CLIP1: variants seen among roughly 807,000 people sequenced by gnomAD.
The protein encoded by CLIP1 is CAP-Gly domain containing linker protein 1, also known as CAP-Gly domain-containing linker protein 1.
Under a neutral mutation model 161.6 loss-of-function variants are expected in CLIP1, and 66 were observed. The ratio of observed to expected loss-of-function variants is 0.41; its 90% CI spans 0.33 to 0.50. CLIP1 has a LOEUF of 0.50. CLIP1 is among the 20% of genes least tolerant of loss of function. The pLI, the probability that CLIP1 is intolerant of heterozygous loss-of-function variation, is 0.27. For synonymous variants in CLIP1, 598 were observed against 626.2 expected, an observed-to-expected ratio of 0.96 and a Z score of 0.67; for missense variants, 1,376 against 1,702.0, an observed-to-expected ratio of 0.81 and a Z score of 3.37.
At chr12:122,412,877 TA>T (rs1027018491) in intron 1 of CLIP1, among the ~76,000 whole-genome samples, 8 of 152,018 alleles carry the variant, frequency 5.3e-5, no homozygotes, top group South Asian at 2.1e-4. Context: ...CCTGAGACCC[TA>T]AAAAAAACTT....
At chr12:122,394,169 T>C (rs922280147) in intron 1 of CLIP1, among the ~76,000 whole-genome samples, 1 of 151,968 alleles carries the variant, frequency 6.6e-6, no homozygotes, top group Admixed American at 6.6e-5. Flanking sequence ...AAAGTTCCAT[T>C]GTTTACGTAC....
chr12:122,332,295 CA>C (rs1184288063), intron 15 of CLIP1, among the ~76,000 whole-genome samples: 1,266 of 61,244 alleles, frequency 0.021, 14 homozygotes, highest in African/African-American at 0.064. Context: ...AACTCCGTCT[CA>C]AAAAAAAAAA....
chr12:122,319,652 C>T (rs1593056534), intron 17 of CLIP1, among the ~76,000 whole-genome samples: 1 of 152,264 alleles, frequency 6.6e-6, no homozygotes, highest in East Asian at 1.9e-4. Context: ...ATGCTCCCTT[C>T]ATTCTGACTT....
intron 18 of CLIP1, among the ~76,000 whole-genome samples, chr12:122,318,286 G>A (rs1242436666): frequency 6.6e-6 from 1 of 152,172 alleles, no homozygotes; most frequent in Non-Finnish European, 1.5e-5. Flanking sequence ...TGTAATCCCA[G>A]CCCTTTGGGA....
rs1231252152 is a variant in CLIP1 at position 122,341,605 on chromosome 12, T to C, written c.1599A>G (p.Leu533=). 1.2e-6 allele frequency: 2 copies of C among 1,613,622 alleles called. No individual in the cohort carries two copies. The highest frequency in any genetic ancestry group is 3.3e-5 in the Admixed American group (2 of 59,982). ...VQEVAELRRR[L]ESNKPAGDVD... is the part of the protein sequence containing the mutation. ...CATCCCCAGCAGGCTTATTGGACTCTAGCCTTCTTCGGAGCTCAGCTACTT... is the reference window on the plus strand; with the variant it reads ...CATCCCCAGCAGGCTTATTGGACTCCAGCCTTCTTCGGAGCTCAGCTACTT... Residue 533 remains leucine, a synonymous_variant, in exon 11 of 26, where the codon CTA becomes CTG. Transcript: ENST00000620786.
chr12:122,321,457 G>A lies in CLIP1; in HGVS notation c.3250-2109C>T, dbSNP rs549709169. ...GACAGGGTTTCACCATGTTGGTTAG[G>A]CTGGTCTCGAACTCCTGACCTCAGG... On this transcript the variant is annotated intron_variant, in intron 17 of 25. Transcript: ENST00000620786. Among the ~76,000 whole-genome samples, 119 of 151,950 alleles carry A rather than the reference G, an allele frequency of 7.8e-4. 1 individual carries two copies. Among genetic ancestry groups the A allele is most frequent in the Middle Eastern group, 3.4e-3 (1 of 294 alleles).
Position 122,323,368 on chromosome 12 carries a change from G to C in CLIP1, c.3250-4020C>G, listed in dbSNP as rs780442188. On this transcript the variant is annotated intron_variant, in intron 17 of 25. Transcript: ENST00000620786. The surrounding 1 kb of genome is among the most constrained non-coding windows in gnomAD (Gnocchi z 4.1). ...CTTTCTCAGCCAAGAGCCTTCTCTC[G>C]GAGGCAGCCAAGGTTTCTTTCTCAT... is the stretch of plus-strand genomic sequence containing the variant. The C allele has an allele frequency of 6.6e-6, 1 of 152,488 alleles. No homozygotes were observed. Among genetic ancestry groups the C allele is most frequent in the Admixed American group, 6.6e-5 (1 of 15,260 alleles). 9.4% of individuals were successfully genotyped at this position (152,488 alleles called of 1,614,324 possible). A position where few individuals can be genotyped will look rare whatever the true frequency, so the allele number is the denominator to read the frequency against.
At chr12:122,378,195 T>C (rs1954837205) in intron 2 of CLIP1, among the ~76,000 whole-genome samples, 1 of 152,234 alleles carries the variant, frequency 6.6e-6, no homozygotes, top group South Asian at 2.1e-4. Context: ...CAAGTGATTC[T>C]CCTCCTTCAG....
At chr12:122,375,713 A>G (rs746082946) in intron 3 of CLIP1, among the ~76,000 whole-genome samples, 19 of 152,174 alleles carry the variant, frequency 1.2e-4, no homozygotes, top group Non-Finnish European at 1.3e-4. Flanking sequence ...TAATTTCACT[A>G]AACCAAAAAT....
intron 3 of CLIP1, among the ~76,000 whole-genome samples, chr12:122,372,824 C>CAG (rs1454052858): frequency 2.6e-5 from 4 of 152,058 alleles, no homozygotes; most frequent in Non-Finnish European, 1.5e-5. Context: ...AAATGGATTT[C>CAG]AGGTAAAGAA....
intron 21 of CLIP1, among the ~76,000 whole-genome samples, chr12:122,286,665 G>C (rs1350414057): frequency 6.6e-6 from 1 of 150,710 alleles, no homozygotes; most frequent in African/African-American, 2.4e-5. Flanking sequence ...AAAAAGGAAA[G>C]GCAGCCTGGG....
chr12:122,371,338 C>T (rs1375241749), intron 3 of CLIP1, among the ~76,000 whole-genome samples: 4 of 152,124 alleles, frequency 2.6e-5, no homozygotes, highest in African/African-American at 7.2e-5. Context: ...AGAGCCTATA[C>T]AAAGTTCTCA....
rs771895013 is a variant in CLIP1 at position 122,364,119 on chromosome 12, G to T, written c.658-12C>A. The T allele has an allele frequency of 6.2e-7, 1 of 1,613,768 alleles. No individual in the cohort carries two copies. Among genetic ancestry groups the T allele is most frequent in the East Asian group, 2.2e-5 (1 of 44,834 alleles). The stretch of plus-strand genomic sequence containing the variant: ...TTAGTGCCACCAACCTGGAAGAAGA[G>T]AAGGTTAAAATAAAGAGATGAACAT... On this transcript the variant is annotated splice_polypyrimidine_tract_variant and intron_variant, in intron 3 of 25. Coordinates refer to ENST00000620786, the MANE Select transcript of CLIP1 (RefSeq NM_001247997.2).
chr12:122,349,979 A>T (rs1593130764), intron 9 of CLIP1, among the ~76,000 whole-genome samples: 1 of 150,810 alleles, frequency 6.6e-6, no homozygotes, highest in African/African-American at 2.4e-5. Flanking sequence ...ATCTCCTGTC[A>T]CTGCAACCTC....
chr12:122,295,080 TA>T (rs1199418046), intron 20 of CLIP1, among the ~76,000 whole-genome samples: 1 of 148,118 alleles, frequency 6.8e-6, no homozygotes, highest in Non-Finnish European at 1.5e-5. Context: ...AAATAATAAT[TA>T]AAAATCAATA....
At chr12:122,351,053 A>T in intron 9 of CLIP1, 58 bp downstream of exon 9, 1 of 1,288,084 alleles carries the variant, frequency 7.8e-7, no homozygotes, top group Non-Finnish European at 1.1e-6. Flanking sequence ...AAGCATTTTA[A>T]TCTGTGATCA....
Position 122,311,013 on chromosome 12 carries a change from T to TA in CLIP1, c.3474-1132dup, listed in dbSNP as rs1951045165. On this transcript the variant is annotated intron_variant, in intron 19 of 25. Transcript: ENST00000620786. The surrounding 1 kb of genome is among the most constrained non-coding windows in gnomAD (Gnocchi z 4.3). ...AAATTAGGCTTTTTACAGAGATGTT[T>TA]ATTTAGCAATTGAAGATAAACTGAG... Among the ~76,000 whole-genome samples the TA allele has an allele frequency of 6.6e-6, 1 of 152,222 alleles. No homozygotes were observed. The highest frequency in any genetic ancestry group is 2.1e-4 in the South Asian group (1 of 4,834).
chr12:122,284,540 C>T (rs1380214812), intron 21 of CLIP1, among the ~76,000 whole-genome samples: 4 of 151,746 alleles, frequency 2.6e-5, no homozygotes, highest in Non-Finnish European at 5.9e-5. Flanking sequence ...TTAGTAGAGA[C>T]GGGGTTTCAC....
intron 2 of CLIP1, among the ~76,000 whole-genome samples, chr12:122,379,944 T>TAA (rs10661606): frequency 1.5e-4 from 15 of 99,718 alleles, no homozygotes; most frequent in Admixed American, 1.2e-4. Flanking sequence ...ACTCCATCTT[T>TAA]AAAAAAAAAA....
Sources: gnomAD v4.1 joint callset for allele counts (sites outside exome capture counted in the v4.1 genomes callset) on GRCh38, gnomAD v4.1.1 for gene constraint, Gnocchi (gnomAD v3.1) non-coding constraint, MANE v1.5 for transcripts, NCBI Gene and HGNC (gene_info 2026-07-23, HGNC 2026-07-21) for gene names.